TNR: variants seen among roughly 807,000 people sequenced by gnomAD.
TNR encodes tenascin-R.
A neutral mutation model predicts 150.4 loss-of-function variants in TNR; 45 were observed. That is an observed-to-expected ratio of 0.30 (90% confidence interval 0.24 to 0.38). TNR has a LOEUF of 0.38. TNR is among the 10% of genes least tolerant of loss of function. The pLI is 1.00. For synonymous variants in TNR, 687 were observed against 678.4 expected (o/e 1.01, Z -0.20); for missense variants, 1,544 against 1,759.1 (o/e 0.88, Z 2.19).
At chr1:175,720,349 A>AGCCGGAATCTCATTG (rs1667265371) in intron 1 of TNR, among the ~76,000 whole-genome samples, 1 of 152,212 alleles carries the variant, frequency 6.6e-6, no homozygotes, top group Non-Finnish European at 1.5e-5. Flanking sequence ...GAATCTCATT[A>AGCCGGAATCTCATTG]GCCAGAATCT....
chr1:175,499,338 CTCT>C (rs1658630560), intron 2 of TNR, among the ~76,000 whole-genome samples: 2 of 152,170 alleles, frequency 1.3e-5, no homozygotes, highest in African/African-American at 4.8e-5. Context: ...GCCAGCAGAA[CTCT>C]AAGGGCTCCA....
intron 1 of TNR, among the ~76,000 whole-genome samples, chr1:175,651,341 G>C (rs1664989201): frequency 6.6e-6 from 1 of 151,938 alleles, no homozygotes; most frequent in Admixed American, 6.6e-5. Flanking sequence ...TTTCTTTGAG[G>C]GGAAAGGTTA....
chr1:175,418,556 T>C (rs1428446475), intron 2 of TNR, among the ~76,000 whole-genome samples: 2 of 152,166 alleles, frequency 1.3e-5, no homozygotes, highest in Admixed American at 6.5e-5. Flanking sequence ...ACCCCACCTC[T>C]ACTAAGAATA....
intron 8 of TNR, 111 bp downstream of exon 8, chr1:175,385,921 G>T: frequency 7.8e-7 from 1 of 1,289,110 alleles, no homozygotes; most frequent in Admixed American, 2.5e-5. Flanking sequence ...CAAGGCCAAT[G>T]CTCTGACACA....
intron 18 of TNR, among the ~76,000 whole-genome samples, chr1:175,341,476 C>T (rs528875673): frequency 1.4e-4 from 22 of 152,278 alleles, no homozygotes; most frequent in Non-Finnish European, 2.8e-4. Context: ...GGGACCATGG[C>T]GTTCACCAGA....
At chr1:175,603,522 G>C (rs1042185684) in intron 1 of TNR, among the ~76,000 whole-genome samples, 5 of 152,240 alleles carry the variant, frequency 3.3e-5, no homozygotes. Flanking sequence ...AGAAGTGTTA[G>C]GTTTTTATAG....
Position 175,335,771 on chromosome 1 carries a change from A to G in TNR, c.3571T>C (p.Phe1191Leu), listed in dbSNP as rs1328359615. 1 of 1,614,096 alleles carries G rather than the reference A, an allele frequency of 6.2e-7. No individual in the cohort carries two copies. The highest frequency in any genetic ancestry group is 8.5e-7 in the Non-Finnish European group (1 of 1,180,036). ...ACACGGTAATCAGCCCATTTCCGGA[A>G]AAAATCAGTTTGGCCATTCTGCCGC... Reference protein sequence around the residue: ...QRRQNGQTDFFRKWADYRVGF... With the variant: ...QRRQNGQTDFLRKWADYRVGF... Residue 1191 changes from phenylalanine (F) to leucine (L), a missense_variant, in exon 20 of 23, where the codon TTC becomes CTC. Physicochemically the swap from Phe to Leu is conservative, Grantham distance 22. Transcript: ENST00000367674.
At chr1:175,712,971 C>T (rs1217235728) in intron 1 of TNR, among the ~76,000 whole-genome samples, 1 of 152,136 alleles carries the variant, frequency 6.6e-6, no homozygotes, top group Non-Finnish European at 1.5e-5. Context: ...AGGCTCCTGG[C>T]TGGGGGAACT....
At chr1:175,542,762 C>T (rs1403239241) in intron 1 of TNR, among the ~76,000 whole-genome samples, 1 of 152,202 alleles carries the variant, frequency 6.6e-6, no homozygotes, top group African/African-American at 2.4e-5. Flanking sequence ...ATATATTAAT[C>T]ATACATATAC....
chr1:175,535,610 G>A (rs933777056), intron 1 of TNR, among the ~76,000 whole-genome samples: 3 of 150,628 alleles, frequency 2.0e-5, no homozygotes, highest in East Asian at 1.9e-4. Flanking sequence ...ATAGGCACTC[G>A]CCAACATGCC....
At chr1:175,359,097 G>C (rs1334090752) in intron 15 of TNR, among the ~76,000 whole-genome samples, 2 of 135,232 alleles carry the variant, frequency 1.5e-5, no homozygotes, top group Admixed American at 7.9e-5. Context: ...AGCTTTCTCA[G>C]CTCCTAGATT....
chr1:175,536,849 AC>A (rs1209984441), intron 1 of TNR, among the ~76,000 whole-genome samples: 2 of 152,178 alleles, frequency 1.3e-5, no homozygotes, highest in Admixed American at 6.5e-5. Context: ...CATTGAAGGC[AC>A]CCACTAACCC....
intron 1 of TNR, among the ~76,000 whole-genome samples, chr1:175,703,665 G>T (rs1281343428): frequency 6.6e-6 from 1 of 152,084 alleles, no homozygotes; most frequent in East Asian, 1.9e-4. Flanking sequence ...ATGAGCAAAA[G>T]ATATGAAAAG....
chr1:175,347,214 A>C (rs1650836646), intron 18 of TNR, among the ~76,000 whole-genome samples: 1 of 152,192 alleles, frequency 6.6e-6, no homozygotes, highest in African/African-American at 2.4e-5. Context: ...GTCATATAAT[A>C]AATTAAATAG....
Position 175,337,686 on chromosome 1 carries a change from G to A in TNR, c.3383-7C>T, listed in dbSNP as rs1388666439. On this transcript the variant is annotated splice_polypyrimidine_tract_variant and splice_region_variant and intron_variant, in intron 18 of 22. Coordinates refer to ENST00000367674, the MANE Select transcript of TNR (RefSeq NM_003285.3). The stretch of plus-strand genomic sequence containing the variant: ...TGAGGGAACACCCGGCCTCCTGCAA[G>A]GAAAATAGACAATGTCCAGAAAGGA... 11 of 1,613,828 alleles carry A rather than the reference G, an allele frequency of 6.8e-6. No homozygotes were observed. The highest frequency in any genetic ancestry group is 1.7e-4 in the Middle Eastern group (1 of 6,060).
intron 1 of TNR, among the ~76,000 whole-genome samples, chr1:175,620,289 A>G (rs1240264709): frequency 6.6e-6 from 1 of 152,148 alleles, no homozygotes; most frequent in African/African-American, 2.4e-5. Context: ...TTTATTACCA[A>G]CCCCACAGTT....
intron 2 of TNR, among the ~76,000 whole-genome samples, chr1:175,513,654 C>G (rs559810084): frequency 4.5e-4 from 69 of 152,228 alleles, no homozygotes; most frequent in African/African-American, 1.6e-3. Context: ...CTACCTGGCT[C>G]CCTTCTTTTT....
At chr1:175,507,549 C>A (rs150076102) in intron 2 of TNR, among the ~76,000 whole-genome samples, 1 of 152,010 alleles carries the variant, frequency 6.6e-6, no homozygotes, top group African/African-American at 2.4e-5. Flanking sequence ...TCTGATCCCC[C>A]CTTCCCTGTC....
At chr1:175,368,763 A>G (rs61806384) in intron 9 of TNR, among the ~76,000 whole-genome samples, 8,241 of 152,256 alleles carry the variant, frequency 0.054, 313 homozygotes, top group Middle Eastern at 0.18. Context: ...CAGCCTGACC[A>G]ATATGGTGAA....
Sources: allele counts gnomAD v4.1 joint callset (sites outside exome capture counted in the v4.1 genomes callset), GRCh38; gene constraint gnomAD v4.1.1; transcripts MANE v1.5; gene names NCBI Gene and HGNC (gene_info 2026-07-23, HGNC 2026-07-21).